The following DPP6 variants were observed in gnomAD, a reference collection of about 807,000 sequenced individuals.
DPP6 encodes the protein dipeptidyl peptidase like 6, also known as A-type potassium channel modulatory protein DPP6.
Under a neutral mutation model 122.6 loss-of-function variants are expected in DPP6, and 69 were observed. That is an observed-to-expected ratio of 0.56 (90% CI 0.46 to 0.69). DPP6 has a LOEUF of 0.69. Ranked by LOEUF, DPP6 falls within the 30% of genes least tolerant of loss-of-function variation. The pLI is 0.00. For missense variants in DPP6, 928 were observed against 1,116.9 expected, an observed-to-expected ratio of 0.83 and a Z score of 2.41; for synonymous variants, 418 against 433.1, an observed-to-expected ratio of 0.97 and a Z score of 0.43.
chr7:154,864,301 C>A (rs567865888), intron 17 of DPP6, among the ~76,000 whole-genome samples: 3 of 152,202 alleles, frequency 2.0e-5, no homozygotes. Context: ...ATCCCCTGAA[C>A]CTGCCGGGCC....
intron 8 of DPP6, among the ~76,000 whole-genome samples, chr7:154,769,017 A>G (rs1796075418): frequency 6.6e-6 from 1 of 152,214 alleles, no homozygotes; most frequent in African/African-American, 2.4e-5. Context: ...ACACGCTTCC[A>G]TGTGAATTTA....
chr7:154,225,461 T>C (rs1025122794), intron 1 of DPP6, among the ~76,000 whole-genome samples: 4 of 152,160 alleles, frequency 2.6e-5, no homozygotes, highest in Non-Finnish European at 1.5e-5. Flanking sequence ...TTACGTGTTA[T>C]CCAGGTTCGT....
At chr7:154,667,144 C>T (rs935794751) in intron 6 of DPP6, among the ~76,000 whole-genome samples, 2 of 151,424 alleles carry the variant, frequency 1.3e-5, no homozygotes, top group Non-Finnish European at 2.9e-5. Flanking sequence ...TGTGAATTGT[C>T]TGTTCATGTC....
rs145613858 is a variant in DPP6 at position 154,863,177 on chromosome 7, C to G, written c.1715-4818C>G. Among the ~76,000 whole-genome samples the G allele has an allele frequency of 3.9e-5, 6 of 152,264 alleles. No homozygotes were observed. Among genetic ancestry groups the G allele is most frequent in the African/African-American group, 1.4e-4 (6 of 41,562 alleles). ...TTGGCCTCCCAAAGCATTGGGATTA[C>G]AGACGTGAGCCACCGCACCCGAACC... is the stretch of plus-strand genomic sequence containing the variant. On this transcript the variant is annotated intron_variant, in intron 17 of 25. Coordinates refer to ENST00000377770, the MANE Select transcript of DPP6 (RefSeq NM_130797.4). This position sits in a 1 kb window ranked among gnomAD's most constrained non-coding sequence, Gnocchi z 4.1.
chr7:154,462,752 A>G (rs1297887266), intron 2 of DPP6, among the ~76,000 whole-genome samples: 1 of 151,822 alleles, frequency 6.6e-6, no homozygotes, highest in Non-Finnish European at 1.5e-5. Context: ...TGCACCCATC[A>G]ACCCGTCATT....
chr7:154,389,326 A>T (rs754549671), intron 1 of DPP6, among the ~76,000 whole-genome samples: 40 of 152,220 alleles, frequency 2.6e-4, no homozygotes, highest in Non-Finnish European at 5.1e-4. Context: ...CTTCTGAAAG[A>T]TTAATCGTGC....
chr7:153,999,260 A>C (rs1351582763), intron 1 of DPP6, among the ~76,000 whole-genome samples: 1 of 152,214 alleles, frequency 6.6e-6, no homozygotes, highest in Non-Finnish European at 1.5e-5. Context: ...CAACTTTCTG[A>C]GTTTGCACAA....
At chr7:154,559,169 T>TGATGATAAGAGAAATTAAA (rs1373922936) in intron 4 of DPP6, among the ~76,000 whole-genome samples, 2 of 146,552 alleles carry the variant, frequency 1.4e-5, no homozygotes, top group East Asian at 4.0e-4. Context: ...ACCATGAACA[T>TGATGATAAGAGAAATTAAA]GATGATAAGA....
At chr7:154,721,287 G>A (rs755818004) in intron 7 of DPP6, among the ~76,000 whole-genome samples, 7 of 152,166 alleles carry the variant, frequency 4.6e-5, no homozygotes, top group Non-Finnish European at 1.0e-4. Flanking sequence ...CTTGGGCAAG[G>A]CATTTAACTG....
intron 1 of DPP6, among the ~76,000 whole-genome samples, chr7:153,967,093 T>TAA (rs372253796): frequency 0.016 from 2,276 of 146,498 alleles, 52 homozygotes; most frequent in African/African-American, 0.055. Context: ...ACACAAAAGA[T>TAA]AAAAAAAAAA....
intron 5 of DPP6, among the ~76,000 whole-genome samples, chr7:154,633,295 G>A (rs1426762718): frequency 5.3e-5 from 8 of 151,734 alleles, no homozygotes; most frequent in Non-Finnish European, 8.8e-5. Flanking sequence ...GAAGTGCAAG[G>A]GCATGACCTC....
chr7:154,729,100 G>A (rs13235929), intron 8 of DPP6, among the ~76,000 whole-genome samples: 29,353 of 152,136 alleles, frequency 0.19, 3,043 homozygotes, highest in Admixed American at 0.23. Flanking sequence ...ATATTTATTG[G>A]GGAAAGGCGT....
intron 1 of DPP6, among the ~76,000 whole-genome samples, chr7:154,412,120 T>C (rs1816656645): frequency 6.6e-6 from 1 of 152,102 alleles, no homozygotes; most frequent in Admixed American, 6.5e-5. Flanking sequence ...TGGGGTCTCT[T>C]TTATCAGGGC....
At chr7:154,445,111 A>C (rs1819745954) in intron 1 of DPP6, among the ~76,000 whole-genome samples, 1 of 152,214 alleles carries the variant, frequency 6.6e-6, no homozygotes, top group Non-Finnish European at 1.5e-5. Flanking sequence ...ACACATTCTA[A>C]AGAACTTTTA....
At chr7:154,034,253 A>G (rs1355953127) in intron 1 of DPP6, among the ~76,000 whole-genome samples, 1 of 152,220 alleles carries the variant, frequency 6.6e-6, no homozygotes, top group African/African-American at 2.4e-5. Flanking sequence ...TACTACTGCT[A>G]GTATGAATCT....
chr7:154,295,977 C>T (rs1200340398), intron 1 of DPP6, among the ~76,000 whole-genome samples: 7 of 142,944 alleles, frequency 4.9e-5, no homozygotes, highest in Admixed American at 1.4e-4. Flanking sequence ...CAGAGTCTCT[C>T]TCTGTCACCC....
At chr7:153,798,044 A>T in the DPP6 span, among the ~76,000 whole-genome samples, 2 of 152,022 alleles carry the variant, frequency 1.3e-5, no homozygotes, top group Non-Finnish European at 2.9e-5. Flanking sequence ...GGGTTTCACC[A>T]TGTTAGCCAG....
chr7:153,839,243 G>A, the DPP6 span, among the ~76,000 whole-genome samples: 2 of 152,292 alleles, frequency 1.3e-5, no homozygotes, highest in East Asian at 1.9e-4. Flanking sequence ...ATCATTGACT[G>A]GAAAAAACAA....
chr7:154,268,321 A>G (rs771994482), intron 1 of DPP6, among the ~76,000 whole-genome samples: 15 of 152,214 alleles, frequency 9.9e-5, no homozygotes, highest in Non-Finnish European at 1.9e-4. Context: ...TATAAACAAG[A>G]GAAATGTATT....
Sources: gnomAD v4.1 joint callset for allele counts (sites outside exome capture counted in the v4.1 genomes callset) on GRCh38, gnomAD v4.1.1 for gene constraint, Gnocchi (gnomAD v3.1) non-coding constraint, MANE v1.5 for transcripts, NCBI Gene and HGNC (gene_info 2026-07-23, HGNC 2026-07-21) for gene names.